The following POGZ variants were observed in gnomAD, a reference collection of about 807,000 sequenced individuals.
POGZ encodes the protein pogo transposable element derived with ZNF domain, also known as pogo transposable element with ZNF domain.
POGZ carries 17 observed loss-of-function variants against 134.6 expected under a neutral mutation model. That is an observed-to-expected ratio of 0.13 (90% CI 0.09 to 0.19). POGZ has a LOEUF of 0.19. Ranked by LOEUF, POGZ falls within the 10% of genes least tolerant of loss-of-function variation. The pLI is 1.00. For synonymous variants in POGZ, 693 were observed against 657.1 expected (o/e 1.05, Z -0.84); for missense variants, 1,306 against 1,769.7 (o/e 0.74, Z 4.70).
Position 151,403,819 on chromosome 1 carries a change from C to T in POGZ, c.*983G>A, listed in dbSNP as rs1487438921. 1.0e-6 allele frequency: 1 copy of T among 985,406 alleles called. No individual in the cohort carries two copies. Among genetic ancestry groups the T allele is most frequent in the Non-Finnish European group, 1.2e-6 (1 of 829,948 alleles). 61.0% of individuals were successfully genotyped at this position (985,406 alleles called of 1,614,324 possible). A position where few individuals can be genotyped will look rare whatever the true frequency, so the allele number is the denominator to read the frequency against. ...ACCAGTAATCCCTTAAACAGGCATG[C>T]TCTCCATCTAACAGGATGAAGTTCA... On this transcript the variant is annotated 3_prime_UTR_variant, in exon 19 of 19. Transcript: ENST00000271715.
intron 1 of POGZ, among the ~76,000 whole-genome samples, chr1:151,458,948 A>ACC (rs2102453545): frequency 7.3e-6 from 1 of 136,722 alleles, no homozygotes; most frequent in South Asian, 2.3e-4. Flanking sequence ...CGCGCGCCGC[A>ACC]CCCCGCGGCC....
intron 3 of POGZ, among the ~76,000 whole-genome samples, chr1:151,437,675 C>T (rs916515043): frequency 6.6e-6 from 1 of 151,740 alleles, no homozygotes; most frequent in South Asian, 2.1e-4. Flanking sequence ...TCGCTTGAAC[C>T]AGGGAGACAG....
intron 1 of POGZ, among the ~76,000 whole-genome samples, chr1:151,446,617 GTGGTGGCACACGCC>G: frequency 1.3e-5 from 2 of 151,966 alleles, no homozygotes; most frequent in South Asian, 4.1e-4. Flanking sequence ...TTAGCCAGGT[GTGGTGGCACACGCC>G]TGTAATCCCA....
At chr1:151,425,552 G>T (rs1657628243) in intron 7 of POGZ, among the ~76,000 whole-genome samples, 1 of 151,978 alleles carries the variant, frequency 6.6e-6, no homozygotes, top group Non-Finnish European at 1.5e-5. Flanking sequence ...ATTCAACTTT[G>T]TCTCTATGAA....
At chr1:151,416,353 T>TAA (rs1227516245) in intron 10 of POGZ, among the ~76,000 whole-genome samples, 1 of 151,308 alleles carries the variant, frequency 6.6e-6, no homozygotes, top group South Asian at 2.1e-4. Context: ...GGCTAGGAGT[T>TAA]AGAGACCAGC....
intron 1 of POGZ, among the ~76,000 whole-genome samples, chr1:151,458,810 TGCGCGCGCGCGC>T (rs1045948430): frequency 2.8e-5 from 4 of 142,418 alleles, no homozygotes; most frequent in African/African-American, 1.0e-4. Context: ...GGGGCGCGAG[TGCGCGCGCGCGC>T]GCCGCGGCGG....
chr1:151,421,915 G>T (rs1656989031), intron 10 of POGZ, among the ~76,000 whole-genome samples: 1 of 152,070 alleles, frequency 6.6e-6, no homozygotes, highest in South Asian at 2.1e-4. Context: ...ACCACAGCCA[G>T]CGAATTTTTG....
intron 1 of POGZ, among the ~76,000 whole-genome samples, chr1:151,447,048 G>C (rs547063275): frequency 5.9e-5 from 9 of 151,986 alleles, no homozygotes; most frequent in Admixed American, 5.2e-4. Context: ...AAATATTTTG[G>C]TATGTAGGTC....
chr1:151,425,218 G>A (rs1657569447), intron 7 of POGZ, 157 bp from the exon 8 acceptor site: 1 of 510,858 alleles, frequency 2.0e-6, no homozygotes, highest in Non-Finnish European at 3.7e-6. Flanking sequence ...TGTTTTTTTT[G>A]AGACACGGTC....
chr1:151,417,276 A>G (rs914270621), intron 10 of POGZ, among the ~76,000 whole-genome samples: 1 of 149,844 alleles, frequency 6.7e-6, no homozygotes, highest in South Asian at 2.1e-4. Flanking sequence ...GTTGTCTGGG[A>G]TGGTCTCGAT....
intron 1 of POGZ, among the ~76,000 whole-genome samples, chr1:151,455,571 A>G (rs1662665975): frequency 6.6e-6 from 1 of 152,220 alleles, no homozygotes; most frequent in Non-Finnish European, 1.5e-5. Flanking sequence ...ATTTACCACA[A>G]ATTTTTAAAA....
At chr1:151,445,398 T>C (rs1323644962) in intron 1 of POGZ, among the ~76,000 whole-genome samples, 1 of 151,724 alleles carries the variant, frequency 6.6e-6, no homozygotes, top group Non-Finnish European at 1.5e-5. Flanking sequence ...GGCACACGCC[T>C]GTAATCCCAG....
In POGZ at chr1:151,404,548, C is replaced by G; in HGVS notation, c.*254G>C. The G allele has an allele frequency of 8.7e-7, 1 of 1,147,750 alleles. No homozygotes were observed. The highest frequency in any genetic ancestry group is 1.1e-6 in the Non-Finnish European group (1 of 934,884). The allele number at this position is 1,147,750 out of a possible 1,614,324, so 71.1% of individuals were successfully genotyped here. A position where few individuals can be genotyped will look rare whatever the true frequency, so the allele number is the denominator to read the frequency against. On this transcript the variant is annotated 3_prime_UTR_variant, in exon 19 of 19. Transcript: ENST00000271715. Reference sequence around the variant, plus strand: ...ATTTAAATTTAAAAAAAAAAAAAGTCACAAAAACCTGTTTTTAGCAGAAGT... The same window carrying G: ...ATTTAAATTTAAAAAAAAAAAAAGTGACAAAAACCTGTTTTTAGCAGAAGT...
At chr1:151,425,361 A>G (rs908686209) in intron 7 of POGZ, 2 of 216,060 alleles carry the variant, frequency 9.3e-6, no homozygotes, top group African/African-American at 2.3e-5. Flanking sequence ...GGGTCAGCAA[A>G]CCACAGCACA....
chr1:151,411,057 A>G (rs1654579240), intron 12 of POGZ, among the ~76,000 whole-genome samples: 1 of 152,220 alleles, frequency 6.6e-6, no homozygotes, highest in Non-Finnish European at 1.5e-5. Flanking sequence ...CATTCTCTGC[A>G]GTGCAGGCAG....
At chr1:151,414,502 G>A (rs1655275572) in intron 10 of POGZ, among the ~76,000 whole-genome samples, 1 of 152,204 alleles carries the variant, frequency 6.6e-6, no homozygotes, top group Non-Finnish European at 1.5e-5. Flanking sequence ...ACATGTGTTG[G>A]CTGGGCACGG....
intron 1 of POGZ, among the ~76,000 whole-genome samples, chr1:151,447,152 A>G (rs1275073374): frequency 1.3e-5 from 2 of 151,980 alleles, no homozygotes; most frequent in African/African-American, 2.4e-5. Context: ...TCGGGAGGCT[A>G]AGGCGGGCGG....
At chr1:151,424,912 T>C (rs1571435751) in intron 8 of POGZ, 43 bp downstream of exon 8, 4 of 1,011,484 alleles carry the variant, frequency 4.0e-6, no homozygotes, top group South Asian at 2.7e-5. Context: ...TGAAGGTAAA[T>C]GGCAGAAGCC....
chr1:151,436,457 T>G, intron 3 of POGZ, among the ~76,000 whole-genome samples: 1 of 152,018 alleles, frequency 6.6e-6, no homozygotes, highest in Admixed American at 6.6e-5. Context: ...TCTTTCTTTT[T>G]TTTGAGACAG....
Sources: allele counts gnomAD v4.1 joint callset (sites outside exome capture counted in the v4.1 genomes callset), GRCh38; gene constraint gnomAD v4.1.1; transcripts MANE v1.5; gene names NCBI Gene and HGNC (gene_info 2026-07-23, HGNC 2026-07-21).